CCSER2: variants seen among roughly 807,000 people sequenced by gnomAD.
The protein encoded by CCSER2 is serine-rich coiled-coil domain-containing protein 2.
A neutral mutation model predicts 92.3 loss-of-function variants in CCSER2; 46 were observed. The ratio of observed to expected loss-of-function variants is 0.50; its 90% CI spans 0.39 to 0.64. The LOEUF (loss-of-function observed/expected upper bound fraction) is 0.64, where lower values mean the gene tolerates loss of function less well. Ranked by LOEUF, CCSER2 falls within the 30% of genes least tolerant of loss-of-function variation. The pLI is 0.00. For synonymous variants in CCSER2, 433 were observed against 431.4 expected (o/e 1.00, Z -0.04); for missense variants, 1,244 against 1,238.9 (o/e 1.00, Z -0.06).
At chr10:84,405,495 A>G (rs1487687396) in intron 3 of CCSER2, among the ~76,000 whole-genome samples, 1 of 152,228 alleles carries the variant, frequency 6.6e-6, no homozygotes, top group African/African-American at 2.4e-5. Context: ...TACCAAAGAT[A>G]CTGTCAAGAA....
chr10:84,371,140 A>T lies in CCSER2; in HGVS notation c.88A>T (p.Met30Leu), dbSNP rs754246133. 1.9e-6 allele frequency: 3 copies of T among 1,613,308 alleles called. No homozygotes were observed. The highest frequency in any genetic ancestry group is 1.3e-5 in the African/African-American group (1 of 74,910). The change falls in exon 2 of 10, where the codon ATG (methionine) becomes TTG (leucine). Residue 30 changes from methionine (M) to leucine (L), a missense_variant. Physicochemically the swap from Met to Leu is conservative, Grantham distance 15 (BLOSUM62 2). Coordinates refer to ENST00000372088, the MANE Select transcript of CCSER2 (RefSeq NM_001284240.2). ...ATCTGTAAGAAGTACATTGCAGCCA[A>T]TGCCAAATGGGACACCTGTTAATTT... The part of the protein sequence containing the change: ...TKSVRSTLQP[M>L]PNGTPVNLLG...
At chr10:84,414,209 T>G (rs1842786166) in intron 3 of CCSER2, among the ~76,000 whole-genome samples, 1 of 152,246 alleles carries the variant, frequency 6.6e-6, no homozygotes, top group Non-Finnish European at 1.5e-5. Context: ...CTGGTTATTT[T>G]GCAGACTTGT....
intron 1 of CCSER2, among the ~76,000 whole-genome samples, chr10:84,351,843 T>C (rs1202139230): frequency 1.3e-5 from 2 of 152,242 alleles, no homozygotes; most frequent in Non-Finnish European, 2.9e-5. Flanking sequence ...TACCACATTA[T>C]AATAATAGCC....
chr10:84,364,742 T>TTTG (rs200831719), intron 1 of CCSER2, among the ~76,000 whole-genome samples: 12,623 of 144,210 alleles, frequency 0.088, 723 homozygotes, highest in South Asian at 0.14. Flanking sequence ...TTGAATTTTT[T>TTTG]TTTGTTTTTT....
chr10:84,500,496 G>A (rs1323494989), intron 9 of CCSER2, among the ~76,000 whole-genome samples: 1 of 152,178 alleles, frequency 6.6e-6, no homozygotes, highest in Non-Finnish European at 1.5e-5. Context: ...CAACTAAGAT[G>A]TTTTTGTAAT....
rs865840064 is a variant in CCSER2 at position 84,335,542 on chromosome 10, C to T, written c.-40+6734C>T. ...TACAGGTGTGAGCCACCACAACTGG[C>T]CCTGCTTTTCTTTAAAATGCAAAAT... On this transcript the variant is annotated intron_variant, in intron 1 of 9. Coordinates refer to ENST00000372088, the MANE Select transcript of CCSER2 (RefSeq NM_001284240.2). Among the ~76,000 whole-genome samples the T allele has an allele frequency of 3.3e-5, 5 of 152,184 alleles. No homozygotes were observed. In the South Asian group the frequency reaches 8.3e-4, roughly 25 times the overall value.
chr10:84,364,288 TA>T (rs1213673094), intron 1 of CCSER2, among the ~76,000 whole-genome samples: 1 of 152,206 alleles, frequency 6.6e-6, no homozygotes, highest in East Asian at 1.9e-4. Flanking sequence ...TTACAATGGC[TA>T]GCATGTCACT....
chr10:84,414,077 C>T lies in CCSER2; in HGVS notation c.1615-3694C>T, dbSNP rs760729835. 1.4e-4 allele frequency among the ~76,000 whole-genome samples: 21 copies of T among 152,088 alleles called. No homozygotes were observed. The South Asian group carries it at 1.9e-3, about 14-fold the overall frequency. ...GATGGGTCTTTTGAAGACAGCATACCGATGGATCTTGGCTAATTATTTAGC... is the reference window on the plus strand; with the variant it reads ...GATGGGTCTTTTGAAGACAGCATACTGATGGATCTTGGCTAATTATTTAGC... On this transcript the variant is annotated intron_variant, in intron 3 of 9. Transcript: ENST00000372088.
rs1295246570 is a variant in CCSER2 at position 84,495,962 on chromosome 10, A to C, written c.2326-17487A>C. 3.7e-5 allele frequency among the ~76,000 whole-genome samples: 5 copies of C among 135,714 alleles called. No individual in the cohort carries two copies. In the South Asian group the frequency reaches 7.4e-4, roughly 20 times the overall value. The allele number at this position is 135,714 out of a possible 152,430, so 89.0% of individuals were successfully genotyped here. On this transcript the variant is annotated intron_variant, in intron 9 of 9. Coordinates refer to ENST00000372088, the MANE Select transcript of CCSER2 (RefSeq NM_001284240.2). ...TTTTGCTATGTAAGTCTGCCATTTT[A>C]TTTTTTTCTTTTTTCTTTATTTCTG...
intron 3 of CCSER2, chr10:84,391,430 A>C (rs1324861557): frequency 6.4e-7 from 1 of 1,553,240 alleles, no homozygotes; most frequent in African/African-American, 1.4e-5. Flanking sequence ...AGTTCGACAG[A>C]GTTATTTTGC....
chr10:84,389,462 C>A (rs1589521274), intron 3 of CCSER2: 2 of 387,982 alleles, frequency 5.2e-6, no homozygotes, highest in South Asian at 2.0e-5. Flanking sequence ...CTGGGCCTGT[C>A]TATTCTGAAT....
chr10:84,512,446 C>T (rs1312649341), intron 9 of CCSER2, among the ~76,000 whole-genome samples: 1 of 119,404 alleles, frequency 8.4e-6, no homozygotes. Context: ...TAGCAAATAC[C>T]CCTGTATCAG....
chr10:84,518,088 GT>G lies in CCSER2; in HGVS notation c.*3823del. 1 of 152,180 alleles carries G rather than the reference GT, an allele frequency of 6.6e-6. No homozygotes were observed. The highest frequency in any genetic ancestry group is 1.5e-5 in the Non-Finnish European group (1 of 68,038). 9.4% of individuals were successfully genotyped at this position (152,180 alleles called of 1,614,324 possible). A position where few individuals can be genotyped will look rare whatever the true frequency, so the allele number is the denominator to read the frequency against. ...GTTTTTCCTTGGGGATGATGGCCTT[GT>G]TCCTTTTTAAATTCTGATGCTTGAA... On this transcript the variant is annotated 3_prime_UTR_variant, in exon 10 of 10. Coordinates refer to ENST00000372088, the MANE Select transcript of CCSER2 (RefSeq NM_001284240.2).
At chr10:84,416,910 G>A (rs1318492057) in intron 3 of CCSER2, among the ~76,000 whole-genome samples, 1 of 152,082 alleles carries the variant, frequency 6.6e-6, no homozygotes, top group African/African-American at 2.4e-5. Flanking sequence ...CAGCCTGGGT[G>A]ACAGCGAGAC....
intron 9 of CCSER2, among the ~76,000 whole-genome samples, chr10:84,512,756 T>G (rs1343754803): frequency 6.6e-6 from 1 of 152,240 alleles, no homozygotes; most frequent in Non-Finnish European, 1.5e-5. Context: ...AATGAATGTT[T>G]ACTTTTCATT....
intron 1 of CCSER2, among the ~76,000 whole-genome samples, chr10:84,329,896 G>T (rs1843465710): frequency 6.6e-6 from 1 of 152,062 alleles, no homozygotes; most frequent in Non-Finnish European, 1.5e-5. Flanking sequence ...TTTCGTTTGT[G>T]TTCTAAACAA....
At chr10:84,419,906 T>C (rs1250573619) in intron 4 of CCSER2, among the ~76,000 whole-genome samples, 1 of 152,138 alleles carries the variant, frequency 6.6e-6, no homozygotes, top group Non-Finnish European at 1.5e-5. Flanking sequence ...AAAGATCAAG[T>C]AGAAAAATAT....
chr10:84,364,439 C>G (rs1845672327), intron 1 of CCSER2, among the ~76,000 whole-genome samples: 1 of 152,154 alleles, frequency 6.6e-6, no homozygotes, highest in South Asian at 2.1e-4. Flanking sequence ...TTCATTGGCC[C>G]TGGAATCAGG....
At chr10:84,438,315 A>G (rs982277165) in intron 5 of CCSER2, among the ~76,000 whole-genome samples, 197 bp from the exon 6 acceptor site, 43 of 152,252 alleles carry the variant, frequency 2.8e-4, no homozygotes, top group Non-Finnish European at 5.7e-4. Context: ...GGGATACAGA[A>G]GATAATTGTT....
Sources: allele counts gnomAD v4.1 joint callset (sites outside exome capture counted in the v4.1 genomes callset), GRCh38; gene constraint gnomAD v4.1.1; transcripts MANE v1.5; gene names NCBI Gene and HGNC (gene_info 2026-07-23, HGNC 2026-07-21).